Variants in LRRTM3 observed in about 807,000 individuals in gnomAD.
LRRTM3 encodes the protein leucine-rich repeat transmembrane neuronal protein 3.
Under a neutral mutation model 44.7 loss-of-function variants are expected in LRRTM3, and 24 were observed. The observed-to-expected ratio is 0.54, with a 90% confidence interval of 0.39 to 0.76. LRRTM3 has a LOEUF of 0.76. Among genes scored for constraint, LRRTM3 ranks in the 30% least tolerant of loss-of-function variants. The probability of loss-of-function intolerance (pLI) is 0.00; values close to 1 mark genes in which losing one functional copy is unlikely to be tolerated. For missense variants in LRRTM3, 587 were observed against 702.2 expected (o/e 0.84, Z 1.85); for synonymous variants, 277 against 278.7 (o/e 0.99, Z 0.06).
At chr10:66,969,980 C>A (rs1457283481) in intron 2 of LRRTM3, among the ~76,000 whole-genome samples, 3 of 152,108 alleles carry the variant, frequency 2.0e-5, no homozygotes, top group Admixed American at 6.5e-5. Context: ...TCAGAGATTT[C>A]TCCCACATCA....
chr10:67,037,067 T>A (rs1854105448), intron 2 of LRRTM3, among the ~76,000 whole-genome samples: 1 of 151,840 alleles, frequency 6.6e-6, no homozygotes, highest in Admixed American at 6.6e-5. Context: ...ATGGTTGGAG[T>A]GAAGTGAGCA....
intron 2 of LRRTM3, among the ~76,000 whole-genome samples, chr10:67,087,340 C>A (rs1857362129): frequency 6.6e-6 from 1 of 151,838 alleles, no homozygotes. Flanking sequence ...TTCTAGGAAG[C>A]ACTAAAGAAT....
intron 2 of LRRTM3, among the ~76,000 whole-genome samples, chr10:66,951,116 CACTGTCT>C (rs1372594754): frequency 1.5e-5 from 2 of 136,636 alleles, no homozygotes; most frequent in African/African-American, 5.2e-5. Context: ...CACACACACA[CACTGTCT>C]TTTTTTTTTT....
At chr10:67,080,906 C>T (rs1481535776) in intron 2 of LRRTM3, among the ~76,000 whole-genome samples, 1 of 134,828 alleles carries the variant, frequency 7.4e-6, no homozygotes, top group Non-Finnish European at 1.5e-5. Flanking sequence ...GAGACTCTGT[C>T]TGAAAAAAAA....
chr10:67,082,452 C>T (rs1857100218), intron 2 of LRRTM3, among the ~76,000 whole-genome samples: 1 of 152,108 alleles, frequency 6.6e-6, no homozygotes, highest in Non-Finnish European at 1.5e-5. Context: ...AAGTTTAAAA[C>T]CCTAAACCCC....
rs115179039 is a variant in LRRTM3 at position 67,060,774 on chromosome 10, T to C, written c.1537-36813T>C. On this transcript the variant is annotated intron_variant, in intron 2 of 2. Coordinates refer to ENST00000361320, the MANE Select transcript of LRRTM3 (RefSeq NM_178011.5). ...GCCTCTGTCAGCCTAGGTTCCTGAG[T>C]GACTATGGTCCTTAAAACTAGGTGT... Among the ~76,000 whole-genome samples the C allele has an allele frequency of 5.2e-3, 798 of 152,316 alleles. 3 individuals carry two copies. Among genetic ancestry groups the C allele is most frequent in the African/African-American group, 0.018 (762 of 41,574 alleles).
At chr10:66,961,649 T>G (rs530919676) in intron 2 of LRRTM3, among the ~76,000 whole-genome samples, 1 of 152,164 alleles carries the variant, frequency 6.6e-6, no homozygotes, top group South Asian at 2.1e-4. Context: ...ACTCCAGATT[T>G]ATATCCATAG....
At chr10:67,069,320 A>C (rs1856290090) in intron 2 of LRRTM3, among the ~76,000 whole-genome samples, 2 of 152,084 alleles carry the variant, frequency 1.3e-5, no homozygotes, top group Non-Finnish European at 2.9e-5. Context: ...CAATGCAGAA[A>C]TGCCTTCCAA....
rs139383106 is a variant in LRRTM3, at chr10:66,928,261, A to G, written c.1345A>G (p.Met449Val). 3.8e-3 allele frequency: 6,154 copies of G among 1,614,174 alleles called. 20 individuals carry two copies. The highest frequency in any genetic ancestry group is 4.7e-3 in the Non-Finnish European group (5,554 of 1,180,024). ...GTCATGGAAGCGGTACCCTGCGAGC[A>G]TGAAGCAGCTGCAGCAGCGCTCCCT... Reference protein sequence around the residue: ...YVSWKRYPASMKQLQQRSLMR... With the variant: ...YVSWKRYPASVKQLQQRSLMR... The change falls in exon 2 of 3, where the codon ATG (methionine) becomes GTG (valine). Residue 449 changes from methionine to valine, a missense_variant. Met to Val is a conservative substitution (Grantham distance 21, BLOSUM62 1). Around this residue, in one of 3 missense-constraint regions of LRRTM3, gnomAD observed 315 missense variants for 335.6 expected, o/e 0.94. Transcript: ENST00000361320.
intron 2 of LRRTM3, among the ~76,000 whole-genome samples, chr10:66,994,636 G>C (rs146641273): frequency 0.01 from 1,525 of 152,258 alleles, 15 homozygotes; most frequent in South Asian, 0.016. Context: ...ATCTGACACT[G>C]TGAAAATTGC....
chr10:67,065,836 T>C (rs1382046263), intron 2 of LRRTM3, among the ~76,000 whole-genome samples: 1 of 152,090 alleles, frequency 6.6e-6, no homozygotes, highest in Non-Finnish European at 1.5e-5. Flanking sequence ...AGTGAGATTT[T>C]GGGGTTTGTC....
intron 2 of LRRTM3, among the ~76,000 whole-genome samples, chr10:66,959,946 G>A (rs1031535922): frequency 6.6e-6 from 1 of 152,024 alleles, no homozygotes; most frequent in East Asian, 1.9e-4. Context: ...AGCATGAGTT[G>A]GCAACACCTC....
At chr10:67,005,215 A>G (rs1417173266) in intron 2 of LRRTM3, among the ~76,000 whole-genome samples, 1 of 152,202 alleles carries the variant, frequency 6.6e-6, no homozygotes, top group Non-Finnish European at 1.5e-5. Context: ...CCAAAGCCAG[A>G]CAATGGTGCT....
intron 2 of LRRTM3, among the ~76,000 whole-genome samples, chr10:67,053,221 A>G (rs1440491785): frequency 2.6e-5 from 4 of 152,214 alleles, no homozygotes. Flanking sequence ...TACAAGCATG[A>G]GAAAATAAGG....
At position 67,025,757 on chromosome 10, in the gene LRRTM3, G is replaced by T. The variant is rs991016432; in HGVS notation, c.1537-71830G>T. ...CAAGTTATAATGCCCATTAACATAT[G>T]TTCTTAATTTTTACTCAAATACTGA... is the stretch of plus-strand genomic sequence containing the variant. On this transcript the variant is annotated intron_variant, in intron 2 of 2. Transcript: ENST00000361320. Among the ~76,000 whole-genome samples the T allele has an allele frequency of 1.1e-4, 16 of 152,126 alleles. No homozygotes were observed. In the South Asian group the frequency reaches 3.3e-3, roughly 32 times the overall value.
intron 2 of LRRTM3, among the ~76,000 whole-genome samples, chr10:67,092,379 A>G (rs997318451): frequency 1.3e-5 from 2 of 151,992 alleles, no homozygotes; most frequent in Non-Finnish European, 2.9e-5. Context: ...AATTCTAGAG[A>G]AGGAAAACAT....
chr10:66,965,681 A>T (rs1849376755), intron 2 of LRRTM3, among the ~76,000 whole-genome samples: 2 of 151,974 alleles, frequency 1.3e-5, no homozygotes, highest in Admixed American at 6.6e-5. Context: ...GTCCCAAAGC[A>T]AAACTGTAGC....
chr10:66,980,565 T>TTCTGTTTCCCAAGCAAAAATCAG (rs1564809959), intron 2 of LRRTM3, among the ~76,000 whole-genome samples: 2 of 152,094 alleles, frequency 1.3e-5, no homozygotes, highest in African/African-American at 2.4e-5. Context: ...GAGACCTTCC[T>TTCTGTTTCCCAAGCAAAAATCAG]ACCCACCTGT....
At chr10:67,025,406 A>G (rs960940301) in intron 2 of LRRTM3, among the ~76,000 whole-genome samples, 1 of 151,964 alleles carries the variant, frequency 6.6e-6, no homozygotes, top group African/African-American at 2.4e-5. Context: ...TACCTCCCCT[A>G]TATAATTTTT....
Sources: allele counts gnomAD v4.1 joint callset (sites outside exome capture counted in the v4.1 genomes callset), GRCh38; gene constraint gnomAD v4.1.1; regional missense constraint gnomAD v4.1.1; transcripts MANE v1.5; gene names NCBI Gene and HGNC (gene_info 2026-07-23, HGNC 2026-07-21).